Variants in ATRNL1 observed in about 807,000 individuals in gnomAD.
ATRNL1 encodes the protein attractin like 1.
Under a neutral mutation model 182.7 loss-of-function variants are expected in ATRNL1, and 95 were observed. The ratio of observed to expected loss-of-function variants is 0.52; its 90% CI spans 0.44 to 0.62. The LOEUF (loss-of-function observed/expected upper bound fraction) is 0.62, where lower values mean the gene tolerates loss of function less well. ATRNL1 is among the 20% of genes least tolerant of loss of function. ATRNL1 has a pLI of 0.00. For synonymous variants in ATRNL1, 576 were observed against 568.3 expected, an observed-to-expected ratio of 1.01 and a Z score of -0.19; for missense variants, 1,471 against 1,679.5, an observed-to-expected ratio of 0.88 and a Z score of 2.17.
At chr10:115,264,094 T>TA (rs869144769) in intron 10 of ATRNL1, among the ~76,000 whole-genome samples, 1 of 150,412 alleles carries the variant, frequency 6.6e-6, no homozygotes, top group East Asian at 1.9e-4. Context: ...TTTTTTTTTT[T>TA]AATTATACTT....
intron 19 of ATRNL1, among the ~76,000 whole-genome samples, chr10:115,350,180 A>G (rs1047094652): frequency 6.6e-6 from 1 of 151,796 alleles, no homozygotes; most frequent in South Asian, 2.1e-4. Flanking sequence ...TACTAAAAAT[A>G]CAAAAATTAG....
At chr10:115,523,015 G>T (rs1851025542) in intron 25 of ATRNL1, among the ~76,000 whole-genome samples, 1 of 152,126 alleles carries the variant, frequency 6.6e-6, no homozygotes, top group South Asian at 2.1e-4. Flanking sequence ...GCATATTTCT[G>T]CTCAGCATTG....
chr10:115,890,314 C>T (rs1952049519), intron 28 of ATRNL1, among the ~76,000 whole-genome samples: 1 of 152,134 alleles, frequency 6.6e-6, no homozygotes, highest in African/African-American at 2.4e-5. Flanking sequence ...TTTTCACCAG[C>T]TCTAACATGG....
At chr10:115,214,670 T>C (rs1209824226) in intron 8 of ATRNL1, among the ~76,000 whole-genome samples, 1 of 152,188 alleles carries the variant, frequency 6.6e-6, no homozygotes, top group Non-Finnish European at 1.5e-5. Flanking sequence ...ATGTGATCTA[T>C]ATGCATATTT....
intron 28 of ATRNL1, among the ~76,000 whole-genome samples, chr10:115,872,533 T>G (rs557137292): frequency 6.6e-6 from 1 of 152,232 alleles, no homozygotes; most frequent in Non-Finnish European, 1.5e-5. Context: ...AGGTGTTAAA[T>G]AAACACCAGC....
intron 26 of ATRNL1, among the ~76,000 whole-genome samples, chr10:115,617,353 GT>G (rs1185422736): frequency 1.5e-5 from 2 of 132,428 alleles, no homozygotes; most frequent in African/African-American, 5.4e-5. Flanking sequence ...AACTAACTTG[GT>G]TTTTTTTTGT....
intron 9 of ATRNL1, among the ~76,000 whole-genome samples, chr10:115,220,104 C>A (rs1395866357): frequency 1.3e-5 from 2 of 152,168 alleles, no homozygotes; most frequent in Non-Finnish European, 2.9e-5. Context: ...ATCAATTCCT[C>A]TAGTTATGGT....
At chr10:115,785,916 C>T (rs1949385712) in intron 27 of ATRNL1, among the ~76,000 whole-genome samples, 1 of 152,164 alleles carries the variant, frequency 6.6e-6, no homozygotes, top group South Asian at 2.1e-4. Context: ...TTGAACACAA[C>T]TCATTTCTTT....
At chr10:115,887,154 C>G (rs989741307) in intron 28 of ATRNL1, among the ~76,000 whole-genome samples, 7 of 152,134 alleles carry the variant, frequency 4.6e-5, no homozygotes, top group African/African-American at 1.7e-4. Context: ...CTAGGTGATA[C>G]GATTGCATAT....
chr10:115,547,991 ATGGAAACAGAGTGATTATGGGATGGATAG>A, intron 25 of ATRNL1, among the ~76,000 whole-genome samples: 1 of 152,334 alleles, frequency 6.6e-6, no homozygotes, highest in African/African-American at 2.4e-5. Flanking sequence ...GAGAATGGAT[ATGGAAACAGAGTGATTATGGGATGGATAG>A]TGGGCACACT....
chr10:115,903,067 GTTTTAAA>G (rs1555113839), intron 28 of ATRNL1, among the ~76,000 whole-genome samples: 1 of 152,054 alleles, frequency 6.6e-6, no homozygotes, highest in African/African-American at 2.4e-5. Context: ...CCTTATGAAA[GTTTTAAA>G]TTTTAAATGT....
At chr10:115,204,906 C>G (rs1592256453) in intron 8 of ATRNL1, among the ~76,000 whole-genome samples, 1 of 151,944 alleles carries the variant, frequency 6.6e-6, no homozygotes, top group Non-Finnish European at 1.5e-5. Context: ...TGTTCCTGGG[C>G]TTTCTTTGTT....
At chr10:115,567,525 G>T (rs1340793571) in intron 26 of ATRNL1, among the ~76,000 whole-genome samples, 4 of 152,014 alleles carry the variant, frequency 2.6e-5, no homozygotes, top group Non-Finnish European at 5.9e-5. Flanking sequence ...TTTAGCCAGG[G>T]ATGGCATGCA....
At chr10:115,247,311 A>AT (rs1160193551) in intron 10 of ATRNL1, among the ~76,000 whole-genome samples, 1 of 152,182 alleles carries the variant, frequency 6.6e-6, no homozygotes, top group Non-Finnish European at 1.5e-5. Context: ...ATTCTCAATG[A>AT]TAAAAAAAAC....
chr10:115,600,219 GT>G (rs34910848), intron 26 of ATRNL1, among the ~76,000 whole-genome samples: 45,354 of 151,900 alleles, frequency 0.3, 7,870 homozygotes, highest in East Asian at 0.68. Flanking sequence ...ATGAATGTTT[GT>G]TTAGAAGCTT....
At chr10:115,319,441 T>G (rs564745614) in intron 18 of ATRNL1, among the ~76,000 whole-genome samples, 105 of 152,302 alleles carry the variant, frequency 6.9e-4, no homozygotes, top group Middle Eastern at 3.4e-3. Context: ...CTGAATATCC[T>G]TGTTAATTTT....
At chr10:115,408,225 G>C (rs537469812) in intron 20 of ATRNL1, among the ~76,000 whole-genome samples, 38 of 150,878 alleles carry the variant, frequency 2.5e-4, no homozygotes, top group Non-Finnish European at 4.1e-4. Context: ...GGATGGTCTC[G>C]ATCTCCTGAC....
At chr10:115,174,581 C>G (rs1337183561) in intron 8 of ATRNL1, among the ~76,000 whole-genome samples, 1 of 151,818 alleles carries the variant, frequency 6.6e-6, no homozygotes, top group Non-Finnish European at 1.5e-5. Context: ...CAGCAAAAGG[C>G]ATCTATAAAT....
intron 26 of ATRNL1, among the ~76,000 whole-genome samples, chr10:115,580,918 TG>T (rs1315762007): frequency 6.6e-6 from 1 of 152,206 alleles, no homozygotes; most frequent in African/African-American, 2.4e-5. Flanking sequence ...TCTATCATTT[TG>T]TTGAAATTCT....
Sources: gnomAD v4.1 joint callset for allele counts (sites outside exome capture counted in the v4.1 genomes callset) on GRCh38, gnomAD v4.1.1 for gene constraint, MANE v1.5 for transcripts, NCBI Gene and HGNC (gene_info 2026-07-23, HGNC 2026-07-21) for gene names.